Variants in PTPRN2 observed in about 807,000 individuals in gnomAD.
PTPRN2 encodes the protein receptor-type tyrosine-protein phosphatase N2.
PTPRN2 carries 74 observed loss-of-function variants against 118.8 expected under a neutral mutation model. The ratio of observed to expected loss-of-function variants is 0.62; its 90% CI spans 0.52 to 0.76. PTPRN2 has a LOEUF of 0.76. Among genes scored for constraint, PTPRN2 ranks in the 30% least tolerant of loss-of-function variants. The probability of loss-of-function intolerance (pLI) is 0.00; values close to 1 mark genes in which losing one functional copy is unlikely to be tolerated. For missense variants in PTPRN2, 1,481 were observed against 1,394.4 expected (o/e 1.06, Z -0.99); for synonymous variants, 641 against 608.0 (o/e 1.05, Z -0.80).
intron 1 of PTPRN2, among the ~76,000 whole-genome samples, chr7:158,533,855 C>T (rs556718835): frequency 5.9e-5 from 9 of 152,352 alleles, no homozygotes; most frequent in East Asian, 1.9e-4. Flanking sequence ...GCTCCCACTC[C>T]GGGTACATCC....
intron 6 of PTPRN2, among the ~76,000 whole-genome samples, chr7:158,144,258 G>A (rs564129993): frequency 6.6e-6 from 1 of 152,180 alleles, no homozygotes; most frequent in Non-Finnish European, 1.5e-5. Context: ...AGCCCCCCAA[G>A]GTTTATAAAA....
chr7:157,753,176 A>G (rs565603688), intron 12 of PTPRN2, among the ~76,000 whole-genome samples: 2 of 152,242 alleles, frequency 1.3e-5, no homozygotes, highest in East Asian at 3.9e-4. Flanking sequence ...CCCTCTGCTG[A>G]CGTCGGAACC....
At chr7:158,097,847 C>G (rs888920021) in intron 10 of PTPRN2, among the ~76,000 whole-genome samples, 5 of 152,236 alleles carry the variant, frequency 3.3e-5, no homozygotes, top group Non-Finnish European at 7.3e-5. Context: ...TTCAGCATAA[C>G]TAGCACTTCC....
rs184588876 is a variant in PTPRN2, at chr7:158,246,920, C to T, written c.278-41647G>A. Among the ~76,000 whole-genome samples, 417 of 152,284 alleles carry T rather than the reference C, an allele frequency of 2.7e-3. 5 individuals are homozygous for T. The highest frequency in any genetic ancestry group is 9.1e-3 in the African/African-American group (377 of 41,570). Reference sequence around the variant, plus strand: ...TGAGAGGGGCTACACCAGGAATGCGCGGCCTGTTGAGTTTCTGTGATGAGG... The same window carrying T: ...TGAGAGGGGCTACACCAGGAATGCGTGGCCTGTTGAGTTTCTGTGATGAGG... On this transcript the variant is annotated intron_variant, in intron 3 of 22. Coordinates refer to ENST00000389418, the MANE Select transcript of PTPRN2 (RefSeq NM_002847.5).
intron 4 of PTPRN2, among the ~76,000 whole-genome samples, chr7:158,195,621 AT>A (rs928070077): frequency 8.4e-5 from 4 of 47,874 alleles, no homozygotes; most frequent in African/African-American, 2.9e-4. Context: ...GGTGTTTTTT[AT>A]TTTTTTTTAA....
intron 14 of PTPRN2, among the ~76,000 whole-genome samples, chr7:157,644,590 G>A (rs1804909919): frequency 2.6e-5 from 4 of 152,206 alleles, no homozygotes; most frequent in African/African-American, 9.6e-5. Flanking sequence ...GAGGTCAGGA[G>A]TTTGAGATCA....
At chr7:158,400,019 T>C (rs999713183) in intron 2 of PTPRN2, among the ~76,000 whole-genome samples, 10 of 152,176 alleles carry the variant, frequency 6.6e-5, no homozygotes, top group Non-Finnish European at 1.2e-4. Context: ...AGATCTGCTG[T>C]GACCACACCT....
At chr7:158,261,841 C>T (rs979576791) in intron 3 of PTPRN2, among the ~76,000 whole-genome samples, 4 of 152,200 alleles carry the variant, frequency 2.6e-5, no homozygotes, top group Non-Finnish European at 5.9e-5. Context: ...TGTTGCATTT[C>T]GAATATTCTG....
chr7:158,332,791 G>A (rs1372270803), intron 2 of PTPRN2, among the ~76,000 whole-genome samples: 1 of 150,928 alleles, frequency 6.6e-6, no homozygotes, highest in African/African-American at 2.5e-5. Flanking sequence ...CATAAGAGCT[G>A]ATGCCTGCAG....
chr7:158,331,817 TAA>T (rs1307053796), intron 2 of PTPRN2, among the ~76,000 whole-genome samples: 2 of 148,506 alleles, frequency 1.3e-5, no homozygotes, highest in African/African-American at 2.6e-5. Flanking sequence ...ACTGTCACCC[TAA>T]GAGGTGACAC....
rs1233559836 is a variant in PTPRN2, at chr7:157,986,626, A to G, written c.1724-87889T>C. On this transcript the variant is annotated intron_variant, in intron 11 of 22. Transcript: ENST00000389418. This position sits in a 1 kb window ranked among gnomAD's most constrained non-coding sequence, Gnocchi z 4.5. ...CCTTTCGTCCTCACTCAAAATTCCC[A>G]TTCACTCAGCATTACCACGGTTTGA... Among the ~76,000 whole-genome samples the G allele has an allele frequency of 6.6e-6, 1 of 151,974 alleles. No individual in the cohort carries two copies. Among genetic ancestry groups the G allele is most frequent in the Non-Finnish European group, 1.5e-5 (1 of 67,976 alleles).
intron 11 of PTPRN2, among the ~76,000 whole-genome samples, chr7:157,954,483 GGTGGTGCCTGT>G (rs1801053197): frequency 7.4e-6 from 1 of 135,526 alleles, no homozygotes; most frequent in African/African-American, 2.9e-5. Flanking sequence ...TGTCTATGTG[GGTGGTGCCTGT>G]GTACTGTGTG....
chr7:157,614,360 T>C (rs1017550812), intron 15 of PTPRN2, among the ~76,000 whole-genome samples: 4 of 152,000 alleles, frequency 2.6e-5, no homozygotes, highest in Non-Finnish European at 5.9e-5. Flanking sequence ...GACTTCCACA[T>C]GGAGAGTCTG....
At chr7:157,897,927 T>C (rs1797225380) in intron 12 of PTPRN2, among the ~76,000 whole-genome samples, 1 of 152,286 alleles carries the variant, frequency 6.6e-6, no homozygotes, top group Non-Finnish European at 1.5e-5. Flanking sequence ...CGGTCCACAC[T>C]GACTGACGAG....
chr7:157,547,787 G>C (rs1050092450), intron 22 of PTPRN2, among the ~76,000 whole-genome samples: 2 of 152,206 alleles, frequency 1.3e-5, no homozygotes, highest in African/African-American at 4.8e-5. Flanking sequence ...GACCATGGGG[G>C]ACGTGGGACA....
chr7:158,134,103 G>T, intron 8 of PTPRN2, 44 bp from the exon 9 acceptor site: 1 of 1,580,470 alleles, frequency 6.3e-7, no homozygotes. Flanking sequence ...CGAAAGGAAT[G>T]CTGATGTGAC....
At chr7:158,430,246 T>C (rs185627752) in intron 2 of PTPRN2, among the ~76,000 whole-genome samples, 26 of 152,182 alleles carry the variant, frequency 1.7e-4, no homozygotes, top group African/African-American at 6.0e-4. Context: ...TTTGTAAGGA[T>C]CCCAAGCAGC....
intron 14 of PTPRN2, among the ~76,000 whole-genome samples, chr7:157,630,502 A>C (rs1420345744): frequency 1.3e-5 from 2 of 152,140 alleles, no homozygotes; most frequent in Non-Finnish European, 2.9e-5. Context: ...CTCCTCTAAC[A>C]CACCGTGTGC....
chr7:157,696,887 C>G (rs190700490), intron 12 of PTPRN2, among the ~76,000 whole-genome samples: 1 of 115,346 alleles, frequency 8.7e-6, no homozygotes, highest in African/African-American at 3.4e-5. Context: ...GCAGAGCCCT[C>G]ACCGTCTACC....
Sources: gnomAD v4.1 joint callset for allele counts (sites outside exome capture counted in the v4.1 genomes callset) on GRCh38, gnomAD v4.1.1 for gene constraint, Gnocchi (gnomAD v3.1) non-coding constraint, MANE v1.5 for transcripts, NCBI Gene and HGNC (gene_info 2026-07-23, HGNC 2026-07-21) for gene names.